The following GALNT18 variants were observed in gnomAD, a reference collection of about 807,000 sequenced individuals.
GALNT18 encodes GalNAc-transferase 18.
Under a neutral mutation model 69.5 loss-of-function variants are expected in GALNT18, and 44 were observed. The observed-to-expected ratio is 0.63, with a 90% CI of 0.50 to 0.81. The LOEUF is 0.81. Ranked by LOEUF, GALNT18 falls within the 40% of genes least tolerant of loss-of-function variation. GALNT18 has a pLI of 0.00. For synonymous variants in GALNT18, 364 were observed against 318.2 expected, an observed-to-expected ratio of 1.14 and a Z score of -1.53; for missense variants, 715 against 810.0, an observed-to-expected ratio of 0.88 and a Z score of 1.42.
intron 3 of GALNT18, among the ~76,000 whole-genome samples, chr11:11,422,366 G>T (rs1855030128): frequency 1.3e-5 from 2 of 152,332 alleles, no homozygotes; most frequent in South Asian, 4.1e-4. Flanking sequence ...GTACTGGGTG[G>T]TGTGCACCCC....
chr11:11,402,264 T>G lies in GALNT18; in HGVS notation c.596-23000A>C, dbSNP rs1485616490. Among the ~76,000 whole-genome samples the G allele has an allele frequency of 1.3e-5, 2 of 152,248 alleles. No homozygotes were observed. The highest frequency in any genetic ancestry group is 2.9e-5 in the Non-Finnish European group (2 of 68,042). On this transcript the variant is annotated intron_variant, in intron 3 of 10. Transcript: ENST00000227756. This position sits in a 1 kb window ranked among gnomAD's most constrained non-coding sequence, Gnocchi z 4.0. ...AGAGATTGTCTTAAACGATCCAGCC[T>G]GGTGGAATTAGATTTCTTTCCTCTT... is the stretch of plus-strand genomic sequence containing the variant.
intron 1 of GALNT18, among the ~76,000 whole-genome samples, chr11:11,572,480 C>G (rs1272153224): frequency 1.3e-5 from 2 of 152,208 alleles, no homozygotes; most frequent in Admixed American, 1.3e-4. Context: ...GTTTAGGCAG[C>G]TAATCCAAAG....
In GALNT18 at chr11:11,524,807, C is replaced by T. The variant is rs865818986; in HGVS notation, c.236-75871G>A. On this transcript the variant is annotated intron_variant, in intron 1 of 10. Coordinates refer to ENST00000227756, the MANE Select transcript of GALNT18 (RefSeq NM_198516.3). ...TCCATACCATTGTCTAGTGAACAAACGAAATGTATAAGTAAATAGGACTCA... is the reference window on the plus strand; with the variant it reads ...TCCATACCATTGTCTAGTGAACAAATGAAATGTATAAGTAAATAGGACTCA... Among the ~76,000 whole-genome samples, 7 of 152,320 alleles carry T rather than the reference C, an allele frequency of 4.6e-5. No individual in the cohort carries two copies. In the South Asian group the frequency reaches 1.0e-3, roughly 23 times the overall value.
At chr11:11,609,584 A>G (rs1049730234) in intron 1 of GALNT18, among the ~76,000 whole-genome samples, 2 of 152,194 alleles carry the variant, frequency 1.3e-5, no homozygotes, top group Non-Finnish European at 2.9e-5. Context: ...CTGAGCACAT[A>G]CCAAAAGAAG....
intron 7 of GALNT18, among the ~76,000 whole-genome samples, chr11:11,335,391 T>C (rs1206511768): frequency 6.6e-6 from 1 of 152,262 alleles, no homozygotes; most frequent in African/African-American, 2.4e-5. Flanking sequence ...GTGTGTTTAC[T>C]ATAAATTTCA....
rs1031562250 is a variant in GALNT18, at chr11:11,592,082, C to T, written c.235+29277G>A. On this transcript the variant is annotated intron_variant, in intron 1 of 10. Coordinates refer to ENST00000227756, the MANE Select transcript of GALNT18 (RefSeq NM_198516.3). This position sits in a 1 kb window ranked among gnomAD's most constrained non-coding sequence, Gnocchi z 5.9. ...TTTGTGCATAGCATTTAGCATGGTACCTGGCATGTAATAAAACTCAATAAA... is the reference window on the plus strand; with the variant it reads ...TTTGTGCATAGCATTTAGCATGGTATCTGGCATGTAATAAAACTCAATAAA... Among the ~76,000 whole-genome samples, 4 of 152,140 alleles carry T rather than the reference C, an allele frequency of 2.6e-5. No individual in the cohort carries two copies. The highest frequency in any genetic ancestry group is 1.3e-4 in the Admixed American group (2 of 15,268).
Position 11,337,755 on chromosome 11 carries a change from A to C in GALNT18, c.1278+3064T>G, listed in dbSNP as rs1447341970. On this transcript the variant is annotated intron_variant, in intron 7 of 10. Coordinates refer to ENST00000227756, the MANE Select transcript of GALNT18 (RefSeq NM_198516.3). The surrounding 1 kb of genome is among the most constrained non-coding windows in gnomAD (Gnocchi z 4.9). Reference sequence around the variant, plus strand: ...GAACAAGCACCGAGGTGTGAGAAACAGCATGGCATGGACGGTATGTAATGG... The same window carrying C: ...GAACAAGCACCGAGGTGTGAGAAACCGCATGGCATGGACGGTATGTAATGG... Among the ~76,000 whole-genome samples, 1 of 152,086 alleles carries C rather than the reference A, an allele frequency of 6.6e-6. No homozygotes were observed. The highest frequency in any genetic ancestry group is 6.5e-5 in the Admixed American group (1 of 15,274).
chr11:11,491,719 C>T (rs955017454), intron 1 of GALNT18, among the ~76,000 whole-genome samples: 1 of 152,210 alleles, frequency 6.6e-6, no homozygotes, highest in African/African-American at 2.4e-5. Context: ...GGAATCTGTA[C>T]CCTGGGAAGG....
intron 9 of GALNT18, among the ~76,000 whole-genome samples, chr11:11,296,325 C>A (rs1849400611): frequency 6.6e-6 from 1 of 152,194 alleles, no homozygotes; most frequent in Non-Finnish European, 1.5e-5. Context: ...TCCAGAAAGA[C>A]TGCCCTGAAT....
Position 11,562,109 on chromosome 11 carries a change from A to G in GALNT18, c.235+59250T>C, listed in dbSNP as rs546540762. 1.3e-5 allele frequency among the ~76,000 whole-genome samples: 2 copies of G among 152,340 alleles called. No individual in the cohort carries two copies. The highest frequency in any genetic ancestry group is 4.1e-4 in the South Asian group (2 of 4,828). On this transcript the variant is annotated intron_variant, in intron 1 of 10. Transcript: ENST00000227756. The surrounding 1 kb of genome is among the most constrained non-coding windows in gnomAD (Gnocchi z 4.1). ...TGCATTAGTTTGCTAGTGCTGTCCT[A>G]ACTAAGTAGCACAGACTGGGTGCCT...
chr11:11,472,884 C>G (rs983462704), intron 1 of GALNT18, among the ~76,000 whole-genome samples: 1 of 151,986 alleles, frequency 6.6e-6, no homozygotes, highest in Non-Finnish European at 1.5e-5. Context: ...CCCAGCTACT[C>G]AGGAGGCTGA....
intron 1 of GALNT18, among the ~76,000 whole-genome samples, chr11:11,553,521 A>C (rs1407238227): frequency 6.6e-6 from 1 of 152,098 alleles, no homozygotes; most frequent in Non-Finnish European, 1.5e-5. Context: ...ACAGGCCAGA[A>C]GGAATCCAAG....
intron 1 of GALNT18, among the ~76,000 whole-genome samples, chr11:11,488,700 G>A (rs999846113): frequency 2.0e-5 from 3 of 152,098 alleles, no homozygotes; most frequent in African/African-American, 7.2e-5. Context: ...GTACATGGGG[G>A]AGCCAGTCTG....
At chr11:11,572,756 T>C (rs1356035171) in intron 1 of GALNT18, among the ~76,000 whole-genome samples, 2 of 152,064 alleles carry the variant, frequency 1.3e-5, no homozygotes, top group African/African-American at 2.4e-5. Flanking sequence ...TGCCAACTAT[T>C]AGGATGCAGA....
chr11:11,392,294 A>G (rs1371304295), intron 3 of GALNT18, among the ~76,000 whole-genome samples: 1 of 152,224 alleles, frequency 6.6e-6, no homozygotes, highest in Non-Finnish European at 1.5e-5. Context: ...AAATACGCAG[A>G]AAAAAGCTGA....
intron 10 of GALNT18, among the ~76,000 whole-genome samples, chr11:11,276,247 C>T (rs1277216622): frequency 6.6e-6 from 1 of 152,210 alleles, no homozygotes; most frequent in East Asian, 1.9e-4. Flanking sequence ...AGGTCCTTCA[C>T]ATCCCTTGTA....
rs755665960 is a variant in GALNT18, at chr11:11,595,603, T to G, written c.235+25756A>C. Reference sequence around the variant, plus strand: ...TAGTGGGTGTGAAGCCATATCTCATTGTGGTTTTGATTTACATTTCCCAAA... The same window carrying G: ...TAGTGGGTGTGAAGCCATATCTCATGGTGGTTTTGATTTACATTTCCCAAA... On this transcript the variant is annotated intron_variant, in intron 1 of 10. Coordinates refer to ENST00000227756, the MANE Select transcript of GALNT18 (RefSeq NM_198516.3). The surrounding 1 kb of genome is among the most constrained non-coding windows in gnomAD (Gnocchi z 5.2). 3.9e-5 allele frequency among the ~76,000 whole-genome samples: 6 copies of G among 152,238 alleles called. No homozygotes were observed. The highest frequency in any genetic ancestry group is 8.8e-5 in the Non-Finnish European group (6 of 68,034).
rs562039093 is a variant in GALNT18 at position 11,590,488 on chromosome 11, T to C, written c.235+30871A>G. 6.6e-6 allele frequency among the ~76,000 whole-genome samples: 1 copy of C among 152,330 alleles called. No homozygotes were observed. Among genetic ancestry groups the C allele is most frequent in the Non-Finnish European group, 1.5e-5 (1 of 68,028 alleles). ...TTAACTTTCCTTACTCTACCTATAT[T>C]AGGCACCAACCAATCAGAAGGACAC... On this transcript the variant is annotated intron_variant, in intron 1 of 10. Coordinates refer to ENST00000227756, the MANE Select transcript of GALNT18 (RefSeq NM_198516.3). The surrounding 1 kb of genome is among the most constrained non-coding windows in gnomAD (Gnocchi z 4.4).
intron 9 of GALNT18, among the ~76,000 whole-genome samples, chr11:11,307,726 C>T (rs1056176731): frequency 2.9e-5 from 4 of 137,186 alleles, no homozygotes; most frequent in African/African-American, 1.1e-4. Flanking sequence ...CCAGAAGCAG[C>T]TCTTCAGGAA....
Sources: gnomAD v4.1 joint callset for allele counts (sites outside exome capture counted in the v4.1 genomes callset) on GRCh38, gnomAD v4.1.1 for gene constraint, Gnocchi (gnomAD v3.1) non-coding constraint, MANE v1.5 for transcripts, NCBI Gene and HGNC (gene_info 2026-07-23, HGNC 2026-07-21) for gene names.